The following INO80C variants were observed in gnomAD, a reference collection of about 807,000 sequenced individuals.
INO80C encodes the protein IES6 homolog.
INO80C carries 17 observed loss-of-function variants against 17.7 expected under a neutral mutation model. That is an observed-to-expected ratio of 0.96 (90% CI 0.66 to 1.44). INO80C has a LOEUF of 1.44. INO80C is among the 40% of genes most tolerant of loss of function. The probability of loss-of-function intolerance (pLI) is 0.00; values close to 1 mark genes in which losing one functional copy is unlikely to be tolerated. For missense variants in INO80C, 244 were observed against 245.0 expected, an observed-to-expected ratio of 1.00 and a Z score of 0.03; for synonymous variants, 96 against 95.8, an observed-to-expected ratio of 1.00 and a Z score of -0.01.
intron 1 of INO80C, among the ~76,000 whole-genome samples, chr18:35,481,534 A>G (rs1259536543): frequency 6.6e-6 from 1 of 152,236 alleles, no homozygotes; most frequent in Admixed American, 6.5e-5. Flanking sequence ...AACTTCGTAT[A>G]AACAGCATTT....
At chr18:35,472,673 T>C (rs988784061) in intron 4 of INO80C, among the ~76,000 whole-genome samples, 8 of 152,198 alleles carry the variant, frequency 5.3e-5, no homozygotes, top group African/African-American at 1.9e-4. Flanking sequence ...ACTGCTCCAA[T>C]TGTCCTCCAA....
Position 35,495,833 on chromosome 18 carries a change from T to TA in INO80C, c.156+1885dup, listed in dbSNP as rs2045975561. Among the ~76,000 whole-genome samples, 4 of 152,054 alleles carry TA rather than the reference T, an allele frequency of 2.6e-5. 1 individual carries two copies. The highest frequency in any genetic ancestry group is 2.6e-4 in the Admixed American group (4 of 15,276). On this transcript the variant is annotated intron_variant, in intron 1 of 4. Coordinates refer to ENST00000334598, the MANE Select transcript of INO80C (RefSeq NM_194281.4). ...TCTACACATCAATATAATTTTTTTT[T>TA]AAAAGCCAATTAGAAAAAAATAATT...
At chr18:35,479,834 G>A (rs1162043125) in intron 2 of INO80C, among the ~76,000 whole-genome samples, 1 of 151,114 alleles carries the variant, frequency 6.6e-6, no homozygotes, top group African/African-American at 2.4e-5. Flanking sequence ...TGGGGATCCT[G>A]GAAAAGTTGA....
intron 4 of INO80C, among the ~76,000 whole-genome samples, chr18:35,469,843 GA>G (rs1269015615): frequency 6.6e-6 from 1 of 152,180 alleles, no homozygotes; most frequent in Non-Finnish European, 1.5e-5. Flanking sequence ...ATAACAAAAT[GA>G]ATGACTAATG....
chr18:35,484,122 C>A (rs2045845839), intron 1 of INO80C, among the ~76,000 whole-genome samples: 1 of 152,104 alleles, frequency 6.6e-6, no homozygotes, highest in African/African-American at 2.4e-5. Flanking sequence ...AAGAACCATA[C>A]ATAGTTGGTA....
At chr18:35,473,260 C>T (rs1454007526) in intron 4 of INO80C, among the ~76,000 whole-genome samples, 2 of 152,186 alleles carry the variant, frequency 1.3e-5, no homozygotes. Flanking sequence ...ACGACTATTA[C>T]AACAGGCCAA....
intron 1 of INO80C, chr18:35,483,481 GGA>G (rs1345961321): frequency 3.9e-5 from 6 of 152,322 alleles, no homozygotes; most frequent in Non-Finnish European, 8.8e-5. Flanking sequence ...AGGGGGACAA[GGA>G]GAGAGGGGTA....
At chr18:35,490,597 C>T (rs1471044253) in intron 1 of INO80C, among the ~76,000 whole-genome samples, 1 of 152,100 alleles carries the variant, frequency 6.6e-6, no homozygotes, top group East Asian at 1.9e-4. Flanking sequence ...GCAAAAAGGA[C>T]ACACTAAAGG....
At position 35,468,497 on chromosome 18, in the gene INO80C, A is replaced by G; in HGVS notation, c.*114T>C. The G allele has an allele frequency of 3.2e-6, 5 of 1,550,446 alleles. No homozygotes were observed. In the South Asian group the frequency reaches 6.1e-5, roughly 19 times the overall value. ...TAAAGCCAAACATTCTTTCCAAGGC[A>G]CAGCACTGGCATTTTCAGATTGACA... On this transcript the variant is annotated 3_prime_UTR_variant, in exon 5 of 5. Coordinates refer to ENST00000334598, the MANE Select transcript of INO80C (RefSeq NM_194281.4).
chr18:35,483,128 T>C (rs17646866), intron 1 of INO80C, among the ~76,000 whole-genome samples: 9,437 of 152,364 alleles, frequency 0.062, 378 homozygotes, highest in East Asian at 0.11. Context: ...ATTATTTTCA[T>C]TGGGATTCGT....
intron 4 of INO80C, among the ~76,000 whole-genome samples, chr18:35,473,483 A>G (rs1436754442): frequency 6.6e-6 from 1 of 152,196 alleles, no homozygotes; most frequent in Admixed American, 6.5e-5. Context: ...GAGTAACAGA[A>G]GAGGGAGCTG....
chr18:35,493,109 C>T (rs1167942723), intron 1 of INO80C, among the ~76,000 whole-genome samples: 1 of 152,182 alleles, frequency 6.6e-6, no homozygotes, highest in Non-Finnish European at 1.5e-5. Flanking sequence ...GTTACACAGT[C>T]TCTCTATGCT....
In INO80C at chr18:35,480,705, C is replaced by G. The variant is rs1008202335; in HGVS notation, c.157-142G>C. On this transcript the variant is annotated intron_variant, in intron 1 of 4. Coordinates refer to ENST00000334598, the MANE Select transcript of INO80C (RefSeq NM_194281.4). ...CCCAGAGCTCCAGCAGGCAGCCTGC[C>G]CTAGGGGAGGGCACACCACACGGGG... The G allele has an allele frequency of 1.1e-5, 7 of 664,280 alleles. No individual in the cohort carries two copies. In the African/African-American group the frequency reaches 1.3e-4, roughly 12 times the overall value. The allele number at this position is 664,280 out of a possible 1,614,324, so 41.1% of individuals were successfully genotyped here. A position where few individuals can be genotyped will look rare whatever the true frequency, so the allele number is the denominator to read the frequency against.
rs2045763148 is a variant in INO80C at position 35,478,367 on chromosome 18, A to G, written c.380-18T>C. On this transcript the variant is annotated intron_variant, in intron 3 of 4. Coordinates refer to ENST00000334598, the MANE Select transcript of INO80C (RefSeq NM_194281.4). ...ACTGAAGTCTGGGAAAAAAAAAAAA[A>G]AAAGATAACTAAACTGAACTGAAAA... 6.4e-7 allele frequency: 1 copy of G among 1,550,476 alleles called. No individual in the cohort carries two copies. The highest frequency in any genetic ancestry group is 8.7e-7 in the Non-Finnish European group (1 of 1,144,132).
intron 1 of INO80C, among the ~76,000 whole-genome samples, chr18:35,495,898 T>A (rs529540572): frequency 6.6e-6 from 1 of 152,102 alleles, no homozygotes; most frequent in South Asian, 2.1e-4. Context: ...AACAAGCTCA[T>A]GAAAAGTGAT....
intron 4 of INO80C, among the ~76,000 whole-genome samples, chr18:35,475,130 C>CAGT (rs140865600): frequency 6.6e-6 from 1 of 151,794 alleles, no homozygotes; most frequent in East Asian, 1.9e-4. Context: ...GAGTCATATT[C>CAGT]AATACCCAGT....
intron 1 of INO80C, chr18:35,489,407 G>A (rs2045911762): frequency 4.4e-6 from 1 of 224,736 alleles, no homozygotes; most frequent in South Asian, 4.7e-5. Flanking sequence ...GCAGGCAAGA[G>A]AGAGAATGAG....
chr18:35,496,427 A>G (rs948586270), intron 1 of INO80C, among the ~76,000 whole-genome samples: 6 of 152,222 alleles, frequency 3.9e-5, no homozygotes, highest in Non-Finnish European at 8.8e-5. Flanking sequence ...AGGGTGGCTG[A>G]ACAGTGGGTA....
chr18:35,469,268 T>C (rs1257134286), intron 4 of INO80C, among the ~76,000 whole-genome samples: 1 of 152,164 alleles, frequency 6.6e-6, no homozygotes, highest in Non-Finnish European at 1.5e-5. Context: ...ACCCTTCCCC[T>C]AGAACTGCGG....
Sources: allele counts gnomAD v4.1 joint callset (sites outside exome capture counted in the v4.1 genomes callset), GRCh38; gene constraint gnomAD v4.1.1; transcripts MANE v1.5; gene names NCBI Gene and HGNC (gene_info 2026-07-23, HGNC 2026-07-21).